The following PDYN variants were observed in gnomAD, a reference collection of about 807,000 sequenced individuals.
PDYN encodes the protein prodynorphin.
In PDYN, 5 loss-of-function variants were observed where a neutral mutation model predicts 11.4. The ratio of observed to expected loss-of-function variants is 0.44; its 90% CI spans 0.23 to 0.92. The LOEUF is 0.92. Among genes scored for constraint, PDYN ranks in the 40% least tolerant of loss-of-function variants. The probability of loss-of-function intolerance (pLI) is 0.24; values close to 1 mark genes in which losing one functional copy is unlikely to be tolerated. For missense variants in PDYN, 337 were observed against 317.3 expected, an observed-to-expected ratio of 1.06 and a Z score of -0.47; for synonymous variants, 132 against 129.5, an observed-to-expected ratio of 1.02 and a Z score of -0.13.
chr20:1,989,852 C>CA (rs1433726378), intron 2 of PDYN, among the ~76,000 whole-genome samples: 1 of 152,202 alleles, frequency 6.6e-6, no homozygotes, highest in Non-Finnish European at 1.5e-5. Flanking sequence ...CCTGCAATGA[C>CA]AACCATCCTA....
At chr20:1,984,676 A>G (rs528957325) in intron 2 of PDYN, among the ~76,000 whole-genome samples, 1 of 152,188 alleles carries the variant, frequency 6.6e-6, no homozygotes, top group Non-Finnish European at 1.5e-5. Context: ...AGGCGGACAG[A>G]TCACTTGAGT....
chr20:1,992,283 G>C (rs1330103989), intron 2 of PDYN, among the ~76,000 whole-genome samples: 1 of 152,180 alleles, frequency 6.6e-6, no homozygotes, highest in Non-Finnish European at 1.5e-5. Flanking sequence ...CACACGTGTA[G>C]ATGACAGATG....
intron 2 of PDYN, among the ~76,000 whole-genome samples, chr20:1,992,108 A>C (rs1315211535): frequency 6.6e-6 from 1 of 152,140 alleles, no homozygotes; most frequent in Non-Finnish European, 1.5e-5. Flanking sequence ...GCTATATCCC[A>C]TTGGAGACTT....
intron 2 of PDYN, among the ~76,000 whole-genome samples, chr20:1,989,658 A>G (rs573301830): frequency 6.6e-6 from 1 of 152,350 alleles, no homozygotes; most frequent in East Asian, 1.9e-4. Flanking sequence ...CATTGCAATT[A>G]TCTCTCTGAG....
Position 1,991,554 on chromosome 20 carries a change from T to C in PDYN, c.-20+1030A>G, listed in dbSNP as rs1988449328. Reference sequence around the variant, plus strand: ...GGCTTACCTGGGTGTCTCCAGCCGATGTTCACTGCCTACCACAGTGGCCAG... The same window carrying C: ...GGCTTACCTGGGTGTCTCCAGCCGACGTTCACTGCCTACCACAGTGGCCAG... On this transcript the variant is annotated intron_variant, in intron 2 of 3. Transcript: ENST00000217305. Among the ~76,000 whole-genome samples the C allele has an allele frequency of 2.0e-5, 3 of 152,338 alleles. No homozygotes were observed. In the South Asian group the frequency reaches 6.2e-4, roughly 32 times the overall value.
chr20:1,985,986 G>A (rs142620909), intron 2 of PDYN, among the ~76,000 whole-genome samples: 22 of 152,302 alleles, frequency 1.4e-4, no homozygotes, highest in Middle Eastern at 3.4e-3. Context: ...GCAAAGGTAG[G>A]GGACTCACGT....
chr20:1,992,169 A>C (rs1020294830), intron 2 of PDYN, among the ~76,000 whole-genome samples: 3 of 152,186 alleles, frequency 2.0e-5, no homozygotes, highest in Non-Finnish European at 4.4e-5. Context: ...ATACAGGTAA[A>C]GAAAGTATGA....
chr20:1,993,287 C>T (rs2122407330), intron 1 of PDYN, among the ~76,000 whole-genome samples: 1 of 152,198 alleles, frequency 6.6e-6, no homozygotes, highest in African/African-American at 2.4e-5. Context: ...GGCTTGTTGT[C>T]ACTCCCTTTT....
At chr20:1,984,700 AC>A (rs1390192205) in intron 2 of PDYN, among the ~76,000 whole-genome samples, 8 of 152,184 alleles carry the variant, frequency 5.3e-5, no homozygotes, top group Non-Finnish European at 1.2e-4. Flanking sequence ...GGAATTTGAG[AC>A]CAGCCTGACC....
upstream of PDYN, chr20:1,994,090 G>C (rs972825486): frequency 6.5e-6 from 1 of 153,170 alleles, no homozygotes; most frequent in Non-Finnish European, 1.5e-5. Context: ...CCCTTTTATG[G>C]ACGAGAGCCT....
At position 1,980,506 on chromosome 20, in the gene PDYN, G is replaced by A. The variant is rs769461186; in HGVS notation, c.582C>T (p.Asp194=). The part of the protein sequence containing the change: ...KRSSEVAGEG[D]GDSMGHEDLY... ...GGTCCTCATGGCCCATGCTATCCCCGTCCCCCTCCCCAGCCACCTCTGAGC... is the reference window on the plus strand; with the variant it reads ...GGTCCTCATGGCCCATGCTATCCCCATCCCCCTCCCCAGCCACCTCTGAGC... Residue 194 remains aspartate (D), a synonymous_variant, in exon 4 of 4, where the codon GAC becomes GAT. Transcript: ENST00000217305. 7.4e-5 allele frequency: 119 copies of A among 1,612,356 alleles called. No individual in the cohort carries two copies. Among genetic ancestry groups the A allele is most frequent in the African/African-American group, 1.2e-4 (9 of 74,622 alleles).
chr20:1,988,333 A>G (rs961283358), intron 2 of PDYN, among the ~76,000 whole-genome samples: 1 of 152,170 alleles, frequency 6.6e-6, no homozygotes, highest in Admixed American at 6.5e-5. Context: ...GTAGAGACAC[A>G]TTGGCCCTCA....
chr20:1,983,249 C>A, intron 2 of PDYN, 146 bp from the exon 3 acceptor site: 1 of 759,540 alleles, frequency 1.3e-6, no homozygotes, highest in Admixed American at 2.6e-5. Flanking sequence ...AACAGAGGCC[C>A]AGGGAGGTAA....
intron 3 of PDYN, 102 bp from the exon 4 acceptor site, chr20:1,981,060 G>A (rs754696196): frequency 1.5e-5 from 20 of 1,297,158 alleles, no homozygotes; most frequent in Admixed American, 7.3e-5. Flanking sequence ...CAAAATGAAC[G>A]CCACTGCTAA....
Position 1,980,932 on chromosome 20 carries a change from G to A in PDYN, c.156C>T (p.Ala52=), listed in dbSNP as rs1323402730. The A allele has an allele frequency of 6.2e-7, 1 of 1,614,108 alleles. No individual in the cohort carries two copies. Among genetic ancestry groups the A allele is most frequent in the South Asian group, 1.1e-5 (1 of 91,080 alleles). Residue 52 remains alanine, a synonymous_variant, in exon 4 of 4, where the codon GCC becomes GCT. Coordinates refer to ENST00000217305, the MANE Select transcript of PDYN (RefSeq NM_024411.5). ...PLICSLQCQA[A]LLPSEEWERC... ...TCTCCCATTCCTCAGAGGGCAGCAGGGCAGCCTGGCATTGCAGGGAGCAAA... is the reference window on the plus strand; with the variant it reads ...TCTCCCATTCCTCAGAGGGCAGCAGAGCAGCCTGGCATTGCAGGGAGCAAA...
chr20:1,983,811 G>T (rs1232580074), intron 2 of PDYN, among the ~76,000 whole-genome samples: 1 of 152,166 alleles, frequency 6.6e-6, no homozygotes, highest in African/African-American at 2.4e-5. Flanking sequence ...AAATGTCAGG[G>T]CTCCCTCAGT....
chr20:1,993,635 A>G (rs2122409447), intron 1 of PDYN: 1 of 152,374 alleles, frequency 6.6e-6, no homozygotes, highest in Non-Finnish European at 1.5e-5. Flanking sequence ...GACTGCAAGA[A>G]GGAGACCCTG....
In PDYN at chr20:1,980,185, T is replaced by C. The variant is rs111525766; in HGVS notation, c.*138A>G. 4,251 of 891,256 alleles carry C rather than the reference T, an allele frequency of 4.8e-3. 115 individuals are homozygous for C. The African/African-American group carries it at 0.062, about 13-fold the overall frequency. 55.2% of individuals were successfully genotyped at this position (891,256 alleles called of 1,614,324 possible). On this transcript the variant is annotated 3_prime_UTR_variant, in exon 4 of 4. Transcript: ENST00000217305. Reference sequence around the variant, plus strand: ...AACATACTCCCACGCAGAAGAGAGATAGGCTGGGCTTGGATATTTTGTACA... The same window carrying C: ...AACATACTCCCACGCAGAAGAGAGACAGGCTGGGCTTGGATATTTTGTACA...
At chr20:1,991,120 G>A (rs777654841) in intron 2 of PDYN, among the ~76,000 whole-genome samples, 16 of 152,276 alleles carry the variant, frequency 1.1e-4, no homozygotes, top group East Asian at 3.9e-4. Flanking sequence ...CTGACATACC[G>A]TGTGAATCAC....
Sources: allele counts gnomAD v4.1 joint callset (sites outside exome capture counted in the v4.1 genomes callset), GRCh38; gene constraint gnomAD v4.1.1; transcripts MANE v1.5; gene names NCBI Gene and HGNC (gene_info 2026-07-23, HGNC 2026-07-21).